The following CCDC172 variants were observed in gnomAD, a reference collection of about 807,000 sequenced individuals.
The protein encoded by CCDC172 is coiled-coil domain containing 172.
A neutral mutation model predicts 38.0 loss-of-function variants in CCDC172; 30 were observed. That is an observed-to-expected ratio of 0.79 (90% CI 0.59 to 1.07). The LOEUF (loss-of-function observed/expected upper bound fraction) is 1.07, where lower values mean the gene tolerates loss of function less well. Among genes scored for constraint, CCDC172 ranks in the 50% least tolerant of loss-of-function variants. CCDC172 has a pLI of 0.00. For missense variants in CCDC172, 297 were observed against 290.1 expected (o/e 1.02, Z -0.17); for synonymous variants, 78 against 88.3 (o/e 0.88, Z 0.66).
At chr10:116,341,470 T>G (rs1034824678) in intron 4 of CCDC172, among the ~76,000 whole-genome samples, 2 of 152,070 alleles carry the variant, frequency 1.3e-5, no homozygotes, top group African/African-American at 4.8e-5. Context: ...TTTAGGTTTT[T>G]GCATTGTCCA....
chr10:116,334,796 G>A (rs530195861), intron 3 of CCDC172, among the ~76,000 whole-genome samples: 1 of 151,970 alleles, frequency 6.6e-6, no homozygotes, highest in Middle Eastern at 3.4e-3. Context: ...TTTTTAAATT[G>A]TCCTCCAGAA....
At chr10:116,356,681 A>G (rs930948134) in intron 5 of CCDC172, among the ~76,000 whole-genome samples, 1 of 152,196 alleles carries the variant, frequency 6.6e-6, no homozygotes, top group African/African-American at 2.4e-5. Context: ...GGGATTTGTC[A>G]TGAGAATAAA....
At chr10:116,334,454 T>C (rs959582633) in intron 3 of CCDC172, among the ~76,000 whole-genome samples, 23 of 152,152 alleles carry the variant, frequency 1.5e-4, no homozygotes, top group Admixed American at 1.4e-3. Context: ...TTTTCATAGG[T>C]TTTCTTTCAA....
At chr10:116,353,586 A>G (rs981779185) in intron 5 of CCDC172, among the ~76,000 whole-genome samples, 4 of 152,214 alleles carry the variant, frequency 2.6e-5, no homozygotes, top group African/African-American at 9.6e-5. Flanking sequence ...GTTTCCCAAA[A>G]AAGCTATACA....
chr10:116,342,244 T>A (rs1416202904), intron 5 of CCDC172, 43 bp downstream of exon 5: 1 of 1,482,634 alleles, frequency 6.7e-7, no homozygotes. Context: ...TTAATGAAAA[T>A]AACTTATTTT....
intron 5 of CCDC172, among the ~76,000 whole-genome samples, chr10:116,346,874 C>G (rs1326678451): frequency 6.6e-6 from 1 of 152,028 alleles, no homozygotes; most frequent in Non-Finnish European, 1.5e-5. Flanking sequence ...GATTAATGTG[C>G]TGGCCCCAAC....
chr10:116,330,229 A>G (rs1422222621), intron 3 of CCDC172, among the ~76,000 whole-genome samples: 4 of 152,226 alleles, frequency 2.6e-5, no homozygotes, highest in Non-Finnish European at 5.9e-5. Flanking sequence ...AGAATTTTGG[A>G]GGATTCCTAT....
chr10:116,367,550 C>T (rs1244735086), intron 7 of CCDC172, among the ~76,000 whole-genome samples: 1 of 151,770 alleles, frequency 6.6e-6, no homozygotes, highest in East Asian at 1.9e-4. Flanking sequence ...CTTATCTGGG[C>T]GTGGTGGCGG....
At chr10:116,342,985 A>T (rs542229906) in intron 5 of CCDC172, among the ~76,000 whole-genome samples, 2 of 152,044 alleles carry the variant, frequency 1.3e-5, no homozygotes, top group South Asian at 4.2e-4. Context: ...TTTTTTAATA[A>T]ATTACCCAGT....
chr10:116,325,030 T>C lies in CCDC172; in HGVS notation c.19T>C (p.Phe7Leu), dbSNP rs766378662. The C allele has an allele frequency of 6.2e-7, 1 of 1,614,094 alleles. No homozygotes were observed. Among genetic ancestry groups the C allele is most frequent in the Non-Finnish European group, 8.5e-7 (1 of 1,179,994 alleles). Residue 7 changes from phenylalanine to leucine, a missense_variant, in exon 2 of 9, where the codon TTT becomes CTT. Physicochemically the swap from Phe to Leu is conservative, Grantham distance 22. Transcript: ENST00000333254. MSLESL[F>L]QHIIFTEHQA... ...CCCTGAGATGAGCTTGGAGTCCCTG[T>C]TTCAGCACATCATCTTCACCGAGCA...
chr10:116,353,946 A>G (rs1844962827), intron 5 of CCDC172, among the ~76,000 whole-genome samples: 1 of 152,234 alleles, frequency 6.6e-6, no homozygotes. Context: ...CCGTTTCTCA[A>G]AGCATTAAAC....
At chr10:116,357,287 T>G (rs541333087) in intron 5 of CCDC172, 93 bp from the exon 6 acceptor site, 9 of 707,088 alleles carry the variant, frequency 1.3e-5, no homozygotes. Flanking sequence ...CTTTCATCTG[T>G]GTTTTATAGT....
chr10:116,376,251 A>G (rs1227331878), intron 7 of CCDC172, among the ~76,000 whole-genome samples: 1 of 152,158 alleles, frequency 6.6e-6, no homozygotes, highest in African/African-American at 2.4e-5. Flanking sequence ...CACTGATCTT[A>G]CAACTCCTTC....
Position 116,349,402 on chromosome 10 carries a change from T to C in CCDC172, c.448+7201T>C, listed in dbSNP as rs75056297. ...CAAAAAAGGTTGGGGACTGGTGATC[T>C]AGTTAACTTTTTCATTCTTCTGATC... is the stretch of plus-strand genomic sequence containing the variant. On this transcript the variant is annotated intron_variant, in intron 5 of 8. Coordinates refer to ENST00000333254, the MANE Select transcript of CCDC172 (RefSeq NM_198515.3). Among the ~76,000 whole-genome samples the C allele has an allele frequency of 4.4e-3, 667 of 152,296 alleles. 4 individuals carry two copies. The highest frequency in any genetic ancestry group is 0.015 in the African/African-American group (643 of 41,564).
Position 116,360,946 on chromosome 10 carries a change from C to A in CCDC172, c.653+3008C>A, listed in dbSNP as rs1413666032. Among the ~76,000 whole-genome samples, 4 of 151,968 alleles carry A rather than the reference C, an allele frequency of 2.6e-5. No individual in the cohort carries two copies. In the East Asian group the frequency reaches 7.7e-4, roughly 29 times the overall value. On this transcript the variant is annotated intron_variant, in intron 7 of 8. Coordinates refer to ENST00000333254, the MANE Select transcript of CCDC172 (RefSeq NM_198515.3). The stretch of plus-strand genomic sequence containing the variant: ...GTAATAAATGTGACATTTATGCTTG[C>A]CTTCTGCCTTTCTTATTTTTTGATT...
intron 7 of CCDC172, among the ~76,000 whole-genome samples, chr10:116,361,857 T>C (rs1012785841): frequency 6.6e-6 from 1 of 152,166 alleles, no homozygotes; most frequent in Non-Finnish European, 1.5e-5. Flanking sequence ...GATACATAAA[T>C]AAATATGTAT....
chr10:116,360,132 T>C (rs921320097), intron 7 of CCDC172, among the ~76,000 whole-genome samples: 37 of 152,240 alleles, frequency 2.4e-4, no homozygotes, highest in African/African-American at 8.7e-4. Context: ...AGCTGACTTA[T>C]AGAATATTGC....
intron 5 of CCDC172, among the ~76,000 whole-genome samples, chr10:116,351,646 T>G (rs868390872): frequency 6.6e-6 from 1 of 152,134 alleles, no homozygotes; most frequent in Non-Finnish European, 1.5e-5. Context: ...TTTATGGAAT[T>G]TTCCCTTCTA....
At chr10:116,358,256 TG>T (rs1448250215) in intron 7 of CCDC172, among the ~76,000 whole-genome samples, 1 of 152,140 alleles carries the variant, frequency 6.6e-6, no homozygotes. Context: ...TGGCGGGAAA[TG>T]ATTGAAATTA....
Sources: gnomAD v4.1 joint callset for allele counts (sites outside exome capture counted in the v4.1 genomes callset) on GRCh38, gnomAD v4.1.1 for gene constraint, MANE v1.5 for transcripts, NCBI Gene and HGNC (gene_info 2026-07-23, HGNC 2026-07-21) for gene names.